Variants in CYTH3 observed in about 807,000 individuals in gnomAD.
The protein encoded by CYTH3 is cytohesin-3.
Under a neutral mutation model 55.1 loss-of-function variants are expected in CYTH3, and 23 were observed. That is an observed-to-expected ratio of 0.42 (90% confidence interval 0.30 to 0.59). CYTH3 has a LOEUF of 0.59. Among genes scored for constraint, CYTH3 ranks in the 20% least tolerant of loss-of-function variants. The pLI, the probability that CYTH3 is intolerant of heterozygous loss-of-function variation, is 0.20. For synonymous variants in CYTH3, 249 were observed against 194.9 expected (o/e 1.28, Z -2.31); for missense variants, 413 against 524.8 (o/e 0.79, Z 2.08).
At chr7:6,200,910 C>T (rs1784045067) in intron 1 of CYTH3, among the ~76,000 whole-genome samples, 1 of 152,210 alleles carries the variant, frequency 6.6e-6, no homozygotes, top group Non-Finnish European at 1.5e-5. Flanking sequence ...CACGTACCAC[C>T]ATGCCCAGCT....
intron 1 of CYTH3, chr7:6,212,513 A>G (rs1784342818): frequency 6.6e-6 from 1 of 152,154 alleles, no homozygotes; most frequent in Non-Finnish European, 1.5e-5. Flanking sequence ...GTAGAATCAC[A>G]CAGTATGTGT....
chr7:6,244,890 G>A (rs905823783), intron 1 of CYTH3, among the ~76,000 whole-genome samples: 1 of 142,986 alleles, frequency 7.0e-6, no homozygotes, highest in Non-Finnish European at 1.5e-5. Context: ...CCGGGTTCAC[G>A]CCATTCTCCT....
intron 1 of CYTH3, among the ~76,000 whole-genome samples, chr7:6,244,955 ATTTTTTTTTTTTTTTTTTTTTTTT>A (rs887701278): frequency 2.2e-4 from 8 of 36,452 alleles, no homozygotes; most frequent in African/African-American, 3.5e-4. Flanking sequence ...CGCCCGGCTA[ATTTTTTTTTTTTTTTTTTTTTTTT>A]TTTTTTTTTT....
chr7:6,244,337 T>C (rs1206253055), intron 1 of CYTH3, among the ~76,000 whole-genome samples: 1 of 152,268 alleles, frequency 6.6e-6, no homozygotes, highest in Non-Finnish European at 1.5e-5. Context: ...TTTCAACTGC[T>C]TTTGCATGTG....
chr7:6,176,106 CAAT>C (rs966819729), intron 5 of CYTH3, among the ~76,000 whole-genome samples: 9 of 151,760 alleles, frequency 5.9e-5, no homozygotes, highest in Non-Finnish European at 1.2e-4. Context: ...TTTTTTTCAA[CAAT>C]GTTTTGTGGT....
intron 1 of CYTH3, among the ~76,000 whole-genome samples, chr7:6,238,571 C>G (rs1779588033): frequency 1.3e-5 from 2 of 152,112 alleles, no homozygotes; most frequent in Non-Finnish European, 2.9e-5. Flanking sequence ...AAAAAGAAAG[C>G]CCTTCAGTGA....
intron 4 of CYTH3, among the ~76,000 whole-genome samples, chr7:6,186,632 A>C (rs1040218750): frequency 2.0e-5 from 3 of 152,156 alleles, no homozygotes; most frequent in East Asian, 1.9e-4. Context: ...CCAGATTATA[A>C]AGTCCGTAAC....
chr7:6,248,483 T>C (rs1779880396), intron 1 of CYTH3, among the ~76,000 whole-genome samples: 1 of 152,166 alleles, frequency 6.6e-6, no homozygotes, highest in Non-Finnish European at 1.5e-5. Context: ...ACTCTCCCTG[T>C]CTAGACCTGG....
At position 6,170,723 on chromosome 7, in the gene CYTH3, C is replaced by G; in HGVS notation, c.712-77G>C. 1.3e-6 allele frequency: 2 copies of G among 1,571,582 alleles called. No individual in the cohort carries two copies. Among genetic ancestry groups the G allele is most frequent in the South Asian group, 1.2e-5 (1 of 86,256 alleles). On this transcript the variant is annotated intron_variant, in intron 8 of 12. Coordinates refer to ENST00000350796, the MANE Select transcript of CYTH3 (RefSeq NM_004227.4). This position sits in a 1 kb window ranked among gnomAD's most constrained non-coding sequence, Gnocchi z 7.8. ...GGCCGGGCAGAAAGCTCAGCGGGAC[C>G]AGGGCGGCAAGGAGGCTTGGGAGGC...
At chr7:6,243,649 T>C (rs1779731553) in intron 1 of CYTH3, among the ~76,000 whole-genome samples, 1 of 152,230 alleles carries the variant, frequency 6.6e-6, no homozygotes, top group Non-Finnish European at 1.5e-5. Context: ...CTGCGTATAA[T>C]TAAATTACAG....
At chr7:6,231,319 G>C (rs1217514882) in intron 1 of CYTH3, among the ~76,000 whole-genome samples, 2 of 152,258 alleles carry the variant, frequency 1.3e-5, no homozygotes. Flanking sequence ...GCCAGACCAA[G>C]AGTGGGGACT....
At chr7:6,186,360 C>T (rs959984480) in intron 4 of CYTH3, among the ~76,000 whole-genome samples, 3 of 151,982 alleles carry the variant, frequency 2.0e-5, no homozygotes, top group Non-Finnish European at 4.4e-5. Flanking sequence ...ACCCTGAAGA[C>T]TCAGGTCTAC....
At chr7:6,230,374 G>A (rs1455398532) in intron 1 of CYTH3, among the ~76,000 whole-genome samples, 5 of 152,066 alleles carry the variant, frequency 3.3e-5, no homozygotes, top group Non-Finnish European at 4.4e-5. Context: ...ACCTATTCCC[G>A]TTCTACCGCA....
At chr7:6,242,369 C>G (rs1461475586) in intron 1 of CYTH3, among the ~76,000 whole-genome samples, 1 of 127,424 alleles carries the variant, frequency 7.8e-6, no homozygotes, top group African/African-American at 3.4e-5. Flanking sequence ...AGCCACCGCG[C>G]CTGGCATTTT....
intron 1 of CYTH3, among the ~76,000 whole-genome samples, chr7:6,249,716 C>A (rs1053520152): frequency 1.6e-4 from 24 of 152,100 alleles, no homozygotes; most frequent in African/African-American, 5.8e-4. Context: ...CTCTTTTTTC[C>A]CCACCTACGT....
intron 4 of CYTH3, among the ~76,000 whole-genome samples, chr7:6,183,786 T>C (rs1340965950): frequency 6.6e-6 from 1 of 151,684 alleles, no homozygotes; most frequent in Admixed American, 6.6e-5. Flanking sequence ...TGATGCTATC[T>C]GGAGACGGGG....
intron 1 of CYTH3, among the ~76,000 whole-genome samples, chr7:6,272,152 C>T (rs953788545): frequency 1.3e-5 from 2 of 152,186 alleles, no homozygotes; most frequent in Non-Finnish European, 2.9e-5. Context: ...AAGGTCGCCC[C>T]GCAAGGTCCC....
At chr7:6,218,058 CTGTA>C (rs1036773333) in intron 1 of CYTH3, among the ~76,000 whole-genome samples, 10 of 151,822 alleles carry the variant, frequency 6.6e-5, no homozygotes, top group African/African-American at 1.9e-4. Context: ...TGGTGTGCAC[CTGTA>C]GTTCCAGCTA....
At chr7:6,268,128 G>T (rs1449527179) in intron 1 of CYTH3, among the ~76,000 whole-genome samples, 1 of 151,984 alleles carries the variant, frequency 6.6e-6, no homozygotes, top group African/African-American at 2.4e-5. Flanking sequence ...ACACAAGAAT[G>T]GGAGCACGCA....
Sources: gnomAD v4.1 joint callset for allele counts (sites outside exome capture counted in the v4.1 genomes callset) on GRCh38, gnomAD v4.1.1 for gene constraint, Gnocchi (gnomAD v3.1) non-coding constraint, MANE v1.5 for transcripts, NCBI Gene and HGNC (gene_info 2026-07-23, HGNC 2026-07-21) for gene names.